ABTB2: variants seen among roughly 807,000 people sequenced by gnomAD.
ABTB2 encodes the protein ankyrin repeat and BTB domain containing 2.
ABTB2 carries 56 observed loss-of-function variants against 104.1 expected under a neutral mutation model. The ratio of observed to expected loss-of-function variants is 0.54; its 90% CI spans 0.43 to 0.67. The LOEUF is 0.67. Among genes scored for constraint, ABTB2 ranks in the 30% least tolerant of loss-of-function variants. ABTB2 has a pLI of 0.00. For missense variants in ABTB2, 1,279 were observed against 1,407.7 expected (o/e 0.91, Z 1.46); for synonymous variants, 606 against 608.2 (o/e 1.00, Z 0.05).
At chr11:34,183,796 A>G (rs1853059198) in intron 3 of ABTB2, among the ~76,000 whole-genome samples, 1 of 152,192 alleles carries the variant, frequency 6.6e-6, no homozygotes, top group Admixed American at 6.5e-5. Flanking sequence ...TCATTTTTGA[A>G]TTTATAAACA....
rs186981651 is a variant in ABTB2 at position 34,211,687 on chromosome 11, C to A, written c.884-6997G>T. Among the ~76,000 whole-genome samples, 1,460 of 151,902 alleles carry A rather than the reference C, an allele frequency of 9.6e-3. 15 individuals carry two copies. The highest frequency in any genetic ancestry group is 0.015 in the Non-Finnish European group (1,020 of 67,950). ...GGCAGGAGGATCACTTGAGATCAGG[C>A]ATTCGAGACCAGCCTGTCCAACATG... On this transcript the variant is annotated intron_variant, in intron 1 of 16. Transcript: ENST00000435224.
At position 34,184,344 on chromosome 11, in the gene ABTB2, GGCTTCTGGGAAGGCA is replaced by G. The variant is rs376641529; in HGVS notation, c.1245-11052_1245-11038del. 3.8e-3 allele frequency among the ~76,000 whole-genome samples: 577 copies of G among 152,324 alleles called. 6 individuals are homozygous for G. The highest frequency in any genetic ancestry group is 0.013 in the African/African-American group (537 of 41,562). ...AAGCACGGCAGCCCGGGGCCAAGGT[GGCTTCTGGGAAGGCA>G]GCTTCTGGGAAGGCAGCTAGGATGT... On this transcript the variant is annotated intron_variant, in intron 3 of 16. Coordinates refer to ENST00000435224, the MANE Select transcript of ABTB2 (RefSeq NM_145804.3).
At chr11:34,285,628 C>T (rs902267161) in intron 1 of ABTB2, among the ~76,000 whole-genome samples, 3 of 152,264 alleles carry the variant, frequency 2.0e-5, no homozygotes, top group Non-Finnish European at 4.4e-5. Flanking sequence ...GCCTGCTGCT[C>T]TACCCTGGAG....
intron 1 of ABTB2, among the ~76,000 whole-genome samples, chr11:34,271,200 C>G (rs1854309989): frequency 6.6e-6 from 1 of 152,162 alleles, no homozygotes; most frequent in African/African-American, 2.4e-5. Context: ...TAAGTCCTTG[C>G]CATGTCCTGA....
chr11:34,161,312 A>G (rs568699082), intron 10 of ABTB2, among the ~76,000 whole-genome samples: 3 of 150,928 alleles, frequency 2.0e-5, no homozygotes, highest in African/African-American at 7.3e-5. Flanking sequence ...GTCAGAGTGG[A>G]GTTTCAGGTT....
chr11:34,209,495 C>T (rs192660861), intron 1 of ABTB2, among the ~76,000 whole-genome samples: 194 of 131,012 alleles, frequency 1.5e-3, no homozygotes, highest in Non-Finnish European at 2.2e-3. Context: ...CTGTGCACAC[C>T]TGATCCTCGC....
chr11:34,157,631 G>A (rs1354322109), intron 14 of ABTB2, among the ~76,000 whole-genome samples: 1 of 152,208 alleles, frequency 6.6e-6, no homozygotes, highest in African/African-American at 2.4e-5. Flanking sequence ...CCAGTGAGTT[G>A]GATTAAGGGG....
At chr11:34,265,661 GAAAAAAAAAAAAA>G (rs1233763258) in intron 1 of ABTB2, among the ~76,000 whole-genome samples, 1 of 25,654 alleles carries the variant, frequency 3.9e-5, no homozygotes, top group South Asian at 1.3e-3. Flanking sequence ...TCTGTCTCAA[GAAAAAAAAAAAAA>G]AAAAAAAAAA....
intron 1 of ABTB2, among the ~76,000 whole-genome samples, chr11:34,331,302 C>T (rs1006363907): frequency 3.3e-5 from 5 of 152,186 alleles, no homozygotes; most frequent in South Asian, 2.1e-4. Flanking sequence ...TATTGCTTAA[C>T]GCGGAAAAAA....
At chr11:34,317,860 T>C (rs1854956355) in intron 1 of ABTB2, among the ~76,000 whole-genome samples, 1 of 152,026 alleles carries the variant, frequency 6.6e-6, no homozygotes, top group Admixed American at 6.6e-5. Flanking sequence ...CACATAATGG[T>C]GGGGATTGGG....
At chr11:34,226,745 G>C (rs1853692834) in intron 1 of ABTB2, among the ~76,000 whole-genome samples, 2 of 152,110 alleles carry the variant, frequency 1.3e-5, no homozygotes, top group Non-Finnish European at 2.9e-5. Context: ...TTTAATTTCA[G>C]AACATTTTCA....
rs529082930 is a variant in ABTB2, at chr11:34,152,890, C to G, written c.2881-306G>C. ...TGTCCACCACTGGGTGTCCAGGGCT[C>G]AGCACCAGGCCTGGCATGTGACTGT... On this transcript the variant is annotated intron_variant, in intron 16 of 16. Transcript: ENST00000435224. 8.5e-5 allele frequency among the ~76,000 whole-genome samples: 13 copies of G among 152,336 alleles called. No individual in the cohort carries two copies. The East Asian group carries it at 2.5e-3, about 29-fold the overall frequency.
Position 34,194,958 on chromosome 11 carries a change from T to C in ABTB2, c.1244+2367A>G, listed in dbSNP as rs192853321. Reference sequence around the variant, plus strand: ...TACTACCATGCAAGCTCAGCTATTATAACCACATAGGGCTGTGCAACTCAG... The same window carrying C: ...TACTACCATGCAAGCTCAGCTATTACAACCACATAGGGCTGTGCAACTCAG... On this transcript the variant is annotated intron_variant, in intron 3 of 16. Coordinates refer to ENST00000435224, the MANE Select transcript of ABTB2 (RefSeq NM_145804.3). Among the ~76,000 whole-genome samples the C allele has an allele frequency of 4.6e-3, 700 of 152,076 alleles. 6 individuals carry two copies. The highest frequency in any genetic ancestry group is 0.016 in the African/African-American group (673 of 41,480).
intron 1 of ABTB2, among the ~76,000 whole-genome samples, chr11:34,283,078 T>G (rs1854467159): frequency 1.7e-5 from 2 of 118,414 alleles, no homozygotes; most frequent in African/African-American, 2.9e-5. Context: ...CCAGCTAATT[T>G]TTTTTTTTTT....
At chr11:34,345,623 G>C (rs1254628252) in intron 1 of ABTB2, among the ~76,000 whole-genome samples, 3 of 152,098 alleles carry the variant, frequency 2.0e-5, no homozygotes, top group Non-Finnish European at 4.4e-5. Context: ...TGGACAGGTG[G>C]GGGACATTGC....
At chr11:34,158,695 G>A (rs969676709) in intron 14 of ABTB2, among the ~76,000 whole-genome samples, 4 of 152,356 alleles carry the variant, frequency 2.6e-5, no homozygotes, top group South Asian at 2.1e-4. Flanking sequence ...GACCTTGTCT[G>A]CCCTGACTGG....
At chr11:34,267,245 C>T (rs1351996589) in intron 1 of ABTB2, among the ~76,000 whole-genome samples, 1 of 152,134 alleles carries the variant, frequency 6.6e-6, no homozygotes, top group Admixed American at 6.5e-5. Flanking sequence ...GAAGAGCAAG[C>T]CAATGCTGGT....
intron 1 of ABTB2, among the ~76,000 whole-genome samples, chr11:34,323,906 CTTTTT>C (rs56375939): frequency 1.6e-4 from 10 of 63,924 alleles, no homozygotes; most frequent in Non-Finnish European, 2.4e-4. Flanking sequence ...TAAATTCCCT[CTTTTT>C]TTTTTTTTTT....
chr11:34,259,701 G>C (rs909590262), intron 1 of ABTB2, among the ~76,000 whole-genome samples: 1 of 152,124 alleles, frequency 6.6e-6, no homozygotes, highest in Non-Finnish European at 1.5e-5. Context: ...CCTATCAATG[G>C]CGTTTCAAAA....
Sources: allele counts gnomAD v4.1 joint callset (sites outside exome capture counted in the v4.1 genomes callset), GRCh38; gene constraint gnomAD v4.1.1; transcripts MANE v1.5; gene names NCBI Gene and HGNC (gene_info 2026-07-23, HGNC 2026-07-21).